The following TMEM135 variants were observed in gnomAD, a reference collection of about 807,000 sequenced individuals.
TMEM135 encodes the protein transmembrane protein 135, also known as peroxisomal membrane protein 52.
A neutral mutation model predicts 60.3 loss-of-function variants in TMEM135; 30 were observed. The observed-to-expected ratio is 0.50, with a 90% CI of 0.37 to 0.68. TMEM135 has a LOEUF of 0.68. TMEM135 is among the 30% of genes least tolerant of loss of function. The probability of loss-of-function intolerance (pLI) is 0.00; values close to 1 mark genes in which losing one functional copy is unlikely to be tolerated. For missense variants in TMEM135, 468 were observed against 548.8 expected, an observed-to-expected ratio of 0.85 and a Z score of 1.47; for synonymous variants, 190 against 186.7, an observed-to-expected ratio of 1.02 and a Z score of -0.14.
At chr11:87,210,710 A>G (rs1940349221) in intron 5 of TMEM135, among the ~76,000 whole-genome samples, 1 of 152,168 alleles carries the variant, frequency 6.6e-6, no homozygotes, top group African/African-American at 2.4e-5. Context: ...GGAAAACTTA[A>G]GGCCAATATC....
intron 3 of TMEM135, among the ~76,000 whole-genome samples, chr11:87,076,140 C>T (rs568201990): frequency 3.9e-5 from 6 of 152,322 alleles, no homozygotes; most frequent in African/African-American, 1.2e-4. Flanking sequence ...CAAGTTCTCC[C>T]GGGCCCTGGG....
intron 6 of TMEM135, among the ~76,000 whole-genome samples, chr11:87,260,635 C>T (rs1941632183): frequency 6.6e-6 from 1 of 151,886 alleles, no homozygotes; most frequent in African/African-American, 2.4e-5. Flanking sequence ...GGAGCTTTTA[C>T]CTTCTTAAAA....
At chr11:87,040,927 C>G (rs1590972504) in intron 1 of TMEM135, among the ~76,000 whole-genome samples, 2 of 152,028 alleles carry the variant, frequency 1.3e-5, no homozygotes, top group East Asian at 3.9e-4. Context: ...TGGCCCTTGA[C>G]TTGTGCCTTG....
intron 5 of TMEM135, among the ~76,000 whole-genome samples, chr11:87,203,345 T>C (rs1337860579): frequency 6.6e-6 from 1 of 152,178 alleles, no homozygotes; most frequent in Non-Finnish European, 1.5e-5. Flanking sequence ...AAAAATCCTC[T>C]GTGCTCCCTC....
chr11:87,147,495 C>A (rs1368670947), intron 4 of TMEM135, among the ~76,000 whole-genome samples: 1 of 147,552 alleles, frequency 6.8e-6, no homozygotes, highest in Admixed American at 6.9e-5. Flanking sequence ...GCCACTGTGC[C>A]TAGCTTACTG....
chr11:87,285,017 A>G (rs902120345), intron 6 of TMEM135, among the ~76,000 whole-genome samples: 10 of 152,242 alleles, frequency 6.6e-5, no homozygotes, highest in African/African-American at 1.4e-4. Context: ...GAAATAATCA[A>G]TTTAACCTAT....
intron 10 of TMEM135, among the ~76,000 whole-genome samples, chr11:87,312,248 C>G (rs1942652169): frequency 6.7e-6 from 1 of 149,326 alleles, no homozygotes. Context: ...TCACTATTGC[C>G]TTATTATTTG....
At chr11:87,149,088 G>T (rs1938486851) in intron 4 of TMEM135, among the ~76,000 whole-genome samples, 1 of 151,684 alleles carries the variant, frequency 6.6e-6, no homozygotes, top group Non-Finnish European at 1.5e-5. Context: ...AAAAGTTCCA[G>T]AGATTCTTAT....
At chr11:87,044,643 A>G (rs1590975089) in intron 1 of TMEM135, among the ~76,000 whole-genome samples, 1 of 152,132 alleles carries the variant, frequency 6.6e-6, no homozygotes, top group East Asian at 1.9e-4. Context: ...TGGAGATATA[A>G]GTCATATGGT....
intron 6 of TMEM135, among the ~76,000 whole-genome samples, chr11:87,244,831 T>G (rs1941223876): frequency 6.7e-6 from 1 of 150,218 alleles, no homozygotes; most frequent in South Asian, 2.1e-4. Context: ...TTTGAAGGGT[T>G]TTTTGTGTCT....
chr11:87,262,771 A>G (rs983662366), intron 6 of TMEM135, among the ~76,000 whole-genome samples: 3 of 152,152 alleles, frequency 2.0e-5, no homozygotes, highest in Non-Finnish European at 2.9e-5. Flanking sequence ...GGGGACAAAA[A>G]TCTATGCAAG....
chr11:87,308,720 A>C (rs1366944386), intron 9 of TMEM135, among the ~76,000 whole-genome samples: 1 of 152,172 alleles, frequency 6.6e-6, no homozygotes, highest in Non-Finnish European at 1.5e-5. Flanking sequence ...TTTCAATATT[A>C]ATTACTTACA....
intron 10 of TMEM135, among the ~76,000 whole-genome samples, chr11:87,310,610 A>C (rs2135448505): frequency 6.7e-6 from 1 of 149,438 alleles, no homozygotes; most frequent in South Asian, 2.1e-4. Flanking sequence ...CGAATCTAAA[A>C]AAAAAGTTGC....
chr11:87,234,255 A>G (rs1940947727), intron 5 of TMEM135, among the ~76,000 whole-genome samples: 1 of 151,906 alleles, frequency 6.6e-6, no homozygotes, highest in Non-Finnish European at 1.5e-5. Context: ...TTTATCTCCA[A>G]AACTCCTACT....
chr11:87,303,830 A>C (rs747969506), intron 8 of TMEM135, among the ~76,000 whole-genome samples: 1 of 152,212 alleles, frequency 6.6e-6, no homozygotes, highest in Non-Finnish European at 1.5e-5. Flanking sequence ...AACAGTAATC[A>C]GAGGGGAATG....
intron 6 of TMEM135, among the ~76,000 whole-genome samples, chr11:87,252,253 A>C (rs1412191922): frequency 1.3e-5 from 2 of 152,144 alleles, no homozygotes; most frequent in East Asian, 3.9e-4. Flanking sequence ...GGGAAAGAGA[A>C]TAGAGTCTAA....
chr11:87,071,671 AT>A, intron 3 of TMEM135, 56 bp downstream of exon 3: 1 of 1,356,420 alleles, frequency 7.4e-7, no homozygotes, highest in Non-Finnish European at 1.0e-6. Flanking sequence ...TACCCCAACT[AT>A]AATTTTTTTT....
chr11:87,103,532 C>T (rs1857516540), intron 4 of TMEM135, among the ~76,000 whole-genome samples: 1 of 147,864 alleles, frequency 6.8e-6, no homozygotes, highest in Admixed American at 6.8e-5. Flanking sequence ...TGTTCAGGTC[C>T]TTTGCCCATT....
At position 87,319,323 on chromosome 11, in the gene TMEM135, T is replaced by A. The variant is rs1197707442; in HGVS notation, c.1190T>A (p.Val397Asp). ...TTTAATACTCAGGCTGTCATGGAAGTTCAGACTTTGAGACCATCTTACTGG... is the reference window on the plus strand; with the variant it reads ...TTTAATACTCAGGCTGTCATGGAAGATCAGACTTTGAGACCATCTTACTGG... ...AICFQAAVMEVQTLRPSYWKF... is the reference protein window; with the variant it reads ...AICFQAAVMEDQTLRPSYWKF... Residue 397 changes from valine (V) to aspartate (D), a missense_variant, in exon 14 of 15, where the codon GTT becomes GAT. Coordinates refer to ENST00000305494, the MANE Select transcript of TMEM135 (RefSeq NM_022918.4). 6.2e-7 allele frequency: 1 copy of A among 1,613,148 alleles called. No homozygotes were observed. Among genetic ancestry groups the A allele is most frequent in the Non-Finnish European group, 8.5e-7 (1 of 1,179,368 alleles).
Sources: gnomAD v4.1 joint callset for allele counts (sites outside exome capture counted in the v4.1 genomes callset) on GRCh38, gnomAD v4.1.1 for gene constraint, MANE v1.5 for transcripts, NCBI Gene and HGNC (gene_info 2026-07-23, HGNC 2026-07-21) for gene names.